The following NXPE2 variants were observed in gnomAD, a reference collection of about 807,000 sequenced individuals.
NXPE2 encodes the protein NXPE family member 2.
NXPE2 carries 34 observed loss-of-function variants against 34.4 expected under a neutral mutation model. The observed-to-expected ratio is 0.99, with a 90% CI of 0.75 to 1.31. The LOEUF is 1.31. NXPE2 is among the 40% of genes most tolerant of loss of function. The probability of loss-of-function intolerance (pLI) is 0.00; values close to 1 mark genes in which losing one functional copy is unlikely to be tolerated. For missense variants in NXPE2, 649 were observed against 672.5 expected, an observed-to-expected ratio of 0.97 and a Z score of 0.39; for synonymous variants, 235 against 231.3, an observed-to-expected ratio of 1.02 and a Z score of -0.15.
chr11:114,496,706 G>A, the NXPE2 span, among the ~76,000 whole-genome samples: 1 of 152,212 alleles, frequency 6.6e-6, no homozygotes, highest in East Asian at 1.9e-4. Flanking sequence ...TAATATGCGT[G>A]TCTTTATAGT....
At chr11:114,669,307 G>A in the NXPE2 span, among the ~76,000 whole-genome samples, 1 of 152,076 alleles carries the variant, frequency 6.6e-6, no homozygotes, top group Non-Finnish European at 1.5e-5. Context: ...ACTGGAAATT[G>A]AGCCACAAAA....
the NXPE2 span, among the ~76,000 whole-genome samples, chr11:114,547,050 A>G: frequency 2.0e-5 from 3 of 152,094 alleles, no homozygotes; most frequent in Admixed American, 6.6e-5. Flanking sequence ...GATTCTCCCC[A>G]CTCAAGGAGA....
chr11:114,693,562 G>A (rs1172502205), intron 2 of NXPE2, among the ~76,000 whole-genome samples: 2 of 152,210 alleles, frequency 1.3e-5, no homozygotes, highest in African/African-American at 4.8e-5. Flanking sequence ...GAACAGACCT[G>A]TAACCAAAGC....
At chr11:114,735,989 A>G in the NXPE2 span, among the ~76,000 whole-genome samples, 1 of 152,166 alleles carries the variant, frequency 6.6e-6, no homozygotes, top group African/African-American at 2.4e-5. Context: ...GAGACATCAC[A>G]TGTCAGTAGG....
chr11:114,793,402 A>G, the NXPE2 span, among the ~76,000 whole-genome samples: 2 of 152,298 alleles, frequency 1.3e-5, no homozygotes, highest in South Asian at 4.1e-4. Context: ...CTTGTCCACA[A>G]GTTAAAAATC....
the NXPE2 span, among the ~76,000 whole-genome samples, chr11:114,619,714 G>T: frequency 6.6e-6 from 1 of 152,072 alleles, no homozygotes; most frequent in Non-Finnish European, 1.5e-5. Flanking sequence ...TGCCTCTTGA[G>T]TAATCACTGT....
At chr11:114,799,220 T>A in the NXPE2 span, among the ~76,000 whole-genome samples, 1 of 149,778 alleles carries the variant, frequency 6.7e-6, no homozygotes, top group Non-Finnish European at 1.5e-5. Flanking sequence ...TTTATTTGGG[T>A]ATTTGTGATA....
At chr11:114,558,282 T>C in the NXPE2 span, among the ~76,000 whole-genome samples, 2 of 152,158 alleles carry the variant, frequency 1.3e-5, no homozygotes, top group African/African-American at 2.4e-5. Context: ...CAAACAAATA[T>C]CTGTGGCTGA....
the NXPE2 span, among the ~76,000 whole-genome samples, chr11:114,653,003 T>C: frequency 6.6e-6 from 1 of 152,188 alleles, no homozygotes; most frequent in Admixed American, 6.5e-5. Context: ...TTGCAACCTC[T>C]GTGTAAAATC....
At chr11:114,575,097 C>T in the NXPE2 span, among the ~76,000 whole-genome samples, 1 of 151,908 alleles carries the variant, frequency 6.6e-6, no homozygotes, top group African/African-American at 2.4e-5. Flanking sequence ...AAAATCACAT[C>T]ATCGTCTCAG....
At chr11:114,479,890 A>G in the NXPE2 span, among the ~76,000 whole-genome samples, 1 of 152,158 alleles carries the variant, frequency 6.6e-6, no homozygotes, top group Admixed American at 6.6e-5. Flanking sequence ...TCCGCTTCTG[A>G]CGAGGGGGTC....
the NXPE2 span, among the ~76,000 whole-genome samples, chr11:114,636,981 A>G: frequency 6.6e-6 from 1 of 152,108 alleles, no homozygotes; most frequent in Admixed American, 6.6e-5. Context: ...TATTAGGTCC[A>G]CTTGGTGCAG....
the NXPE2 span, chr11:114,594,810 C>T: frequency 2.0e-6 from 2 of 1,013,278 alleles, no homozygotes; most frequent in South Asian, 1.4e-5. Flanking sequence ...AAACATACAA[C>T]AAAACAGAAA....
the NXPE2 span, among the ~76,000 whole-genome samples, chr11:114,470,547 G>A: frequency 6.6e-6 from 1 of 151,632 alleles, no homozygotes; most frequent in Admixed American, 6.6e-5. Flanking sequence ...AAAAAATTGG[G>A]TGTATAATAG....
At chr11:114,534,432 G>A in the NXPE2 span, among the ~76,000 whole-genome samples, 4,963 of 152,298 alleles carry the variant, frequency 0.033, 139 homozygotes, top group Admixed American at 0.089. Flanking sequence ...AAAGCTGGAC[G>A]GAGAATGACT....
chr11:114,619,232 T>C, the NXPE2 span, among the ~76,000 whole-genome samples: 3 of 151,928 alleles, frequency 2.0e-5, no homozygotes, highest in East Asian at 1.9e-4. Flanking sequence ...TCTTACCCGG[T>C]AGAATATAAG....
At chr11:114,718,521 A>G in the NXPE2 span, among the ~76,000 whole-genome samples, 1 of 152,222 alleles carries the variant, frequency 6.6e-6, no homozygotes, top group East Asian at 1.9e-4. Flanking sequence ...CCTAATTTTA[A>G]TAAACCAAAT....
the NXPE2 span, among the ~76,000 whole-genome samples, chr11:114,725,049 G>C: frequency 6.6e-6 from 1 of 152,032 alleles, no homozygotes; most frequent in East Asian, 1.9e-4. Context: ...GTTCATAAAA[G>C]TATATTGCCC....
chr11:114,522,369 C>A, the NXPE2 span: 1,888 of 1,614,084 alleles, frequency 1.2e-3, 20 homozygotes, highest in African/African-American at 0.023. Flanking sequence ...TAATCATGAT[C>A]TATCAGAGAG....
Sources: gnomAD v4.1 joint callset for allele counts (sites outside exome capture counted in the v4.1 genomes callset) on GRCh38, gnomAD v4.1.1 for gene constraint, MANE v1.5 for transcripts, NCBI Gene and HGNC (gene_info 2026-07-23, HGNC 2026-07-21) for gene names.